Variants in NRF1 observed in about 807,000 individuals in gnomAD.
NRF1 encodes the protein alpha palindromic-binding protein.
Under a neutral mutation model 58.5 loss-of-function variants are expected in NRF1, and 5 were observed. The ratio of observed to expected loss-of-function variants is 0.09; its 90% CI spans 0.04 to 0.18. NRF1 has a LOEUF of 0.18. Among genes scored for constraint, NRF1 ranks in the 10% least tolerant of loss-of-function variants. NRF1 has a pLI of 1.00. For synonymous variants in NRF1, 224 were observed against 246.7 expected (o/e 0.91, Z 0.86); for missense variants, 288 against 657.7 (o/e 0.44, Z 6.15).
intron 3 of NRF1, among the ~76,000 whole-genome samples, chr7:129,671,804 G>C (rs753779108): frequency 1.4e-4 from 21 of 152,202 alleles, no homozygotes; most frequent in Non-Finnish European, 2.8e-4. Flanking sequence ...ATTGGGCATG[G>C]AAGAGTGAAC....
At chr7:129,619,433 T>A in intron 1 of NRF1, among the ~76,000 whole-genome samples, 1 of 65,864 alleles carries the variant, frequency 1.5e-5, no homozygotes, top group East Asian at 6.4e-4. Flanking sequence ...TATATATATA[T>A]ACACACACAC....
intron 5 of NRF1, among the ~76,000 whole-genome samples, chr7:129,703,442 A>G (rs1802880489): frequency 6.6e-6 from 1 of 152,226 alleles, no homozygotes; most frequent in African/African-American, 2.4e-5. Context: ...TCAACTGGTA[A>G]TGAGAGCACA....
chr7:129,695,640 GT>G (rs752157979), intron 5 of NRF1, among the ~76,000 whole-genome samples: 52 of 149,594 alleles, frequency 3.5e-4, no homozygotes, highest in Non-Finnish European at 5.9e-4. Context: ...AGTTTGAGGG[GT>G]TTAGGGCTTT....
chr7:129,755,167 A>G lies in NRF1; in HGVS notation c.1498A>G (p.Thr500Ala). 1 of 1,610,024 alleles carries G rather than the reference A, an allele frequency of 6.2e-7. No homozygotes were observed. The highest frequency in any genetic ancestry group is 8.5e-7 in the Non-Finnish European group (1 of 1,178,534). The change falls in exon 11 of 11, where the codon ACA (threonine) becomes GCA (alanine). Residue 500 changes from threonine (T) to alanine (A), a missense_variant. Physicochemically the swap from Thr to Ala is moderately conservative, Grantham distance 58 (BLOSUM62 0). This residue lies in a region of NRF1 where 28 missense variants were observed against 32.6 expected (regional missense o/e 0.86). Coordinates refer to ENST00000393232, the MANE Select transcript of NRF1 (RefSeq NM_005011.5). The surrounding 1 kb of genome is among the most constrained non-coding windows in gnomAD (Gnocchi z 5.8). Reference sequence around the variant, plus strand: ...GGACGGCCAAGCTGTGGAGGTGGTGACATTGGAACAGTGACATACAGCCAT... The same window carrying G: ...GGACGGCCAAGCTGTGGAGGTGGTGGCATTGGAACAGTGACATACAGCCAT... Reference protein sequence around the residue: ...TMDGQAVEVVTLEQ With the variant: ...TMDGQAVEVVALEQ
At chr7:129,734,238 T>C (rs557313254) in intron 10 of NRF1, among the ~76,000 whole-genome samples, 2 of 152,366 alleles carry the variant, frequency 1.3e-5, no homozygotes, top group South Asian at 4.1e-4. Flanking sequence ...ATGATAACTT[T>C]ATGAGTAAAC....
chr7:129,672,308 G>A (rs965073482), intron 3 of NRF1, among the ~76,000 whole-genome samples: 1 of 151,582 alleles, frequency 6.6e-6, no homozygotes, highest in Admixed American at 6.6e-5. Context: ...AAAATGCTGG[G>A]ATTACAGGTG....
intron 1 of NRF1, among the ~76,000 whole-genome samples, chr7:129,640,204 A>G (rs1162530888): frequency 6.6e-6 from 1 of 152,070 alleles, no homozygotes; most frequent in East Asian, 1.9e-4. Flanking sequence ...AATCAATTCA[A>G]CACACATACC....
At chr7:129,674,158 T>A (rs114401656) in intron 3 of NRF1, among the ~76,000 whole-genome samples, 1 of 151,890 alleles carries the variant, frequency 6.6e-6, no homozygotes. Context: ...AAAAAAGCTG[T>A]TTTCATTTCA....
At chr7:129,691,788 A>G (rs1242067179) in intron 5 of NRF1, among the ~76,000 whole-genome samples, 1 of 151,992 alleles carries the variant, frequency 6.6e-6, no homozygotes, top group African/African-American at 2.4e-5. Context: ...CTGTCTCTTG[A>G]CCACACCCTC....
chr7:129,656,840 G>A (rs1801668669), intron 1 of NRF1, among the ~76,000 whole-genome samples: 1 of 152,188 alleles, frequency 6.6e-6, no homozygotes, highest in Admixed American at 6.5e-5. Flanking sequence ...GCCTCCCAAA[G>A]TGCTGGGACT....
chr7:129,676,621 G>A (rs940354190), intron 3 of NRF1, among the ~76,000 whole-genome samples: 50 of 152,164 alleles, frequency 3.3e-4, no homozygotes, highest in African/African-American at 9.7e-4. Context: ...TAACATCGAA[G>A]ATCACTGATC....
At chr7:129,749,250 G>A (rs750416401) in intron 10 of NRF1, among the ~76,000 whole-genome samples, 1 of 152,182 alleles carries the variant, frequency 6.6e-6, no homozygotes, top group Non-Finnish European at 1.5e-5. Context: ...GGGGAAAAGT[G>A]TTGAATTTGG....
Position 129,727,345 on chromosome 7 carries a change from C to G in NRF1, c.1328C>G (p.Thr443Ser). 1 of 1,605,568 alleles carries G rather than the reference C, an allele frequency of 6.2e-7. No homozygotes were observed. The highest frequency in any genetic ancestry group is 1.1e-5 in the South Asian group (1 of 89,056). ...GETAAAVGAL[T>S]GVQDANGLVQ... Reference sequence around the variant, plus strand: ...ACCGCAGCAGCCGTCGGAGCACTTACTGGAGTCCAAGATGCTAATGGTAAG... The same window carrying G: ...ACCGCAGCAGCCGTCGGAGCACTTAGTGGAGTCCAAGATGCTAATGGTAAG... The change falls in exon 10 of 11, where the codon ACT (threonine) becomes AGT (serine). Residue 443 changes from threonine (T) to serine (S), a missense_variant. By Grantham distance (58) the Thr-to-Ser change is moderately conservative. Around this residue, in one of 3 missense-constraint regions of NRF1, gnomAD observed 212 missense variants for 559.7 expected, o/e 0.38. Transcript: ENST00000393232.
At chr7:129,622,990 G>A (rs750126309) in intron 1 of NRF1, among the ~76,000 whole-genome samples, 5 of 152,118 alleles carry the variant, frequency 3.3e-5, no homozygotes, top group Non-Finnish European at 7.4e-5. Flanking sequence ...TTAATGAAAT[G>A]TAAAAGATAT....
At chr7:129,647,115 G>A (rs545853015) in intron 1 of NRF1, among the ~76,000 whole-genome samples, 68 of 152,208 alleles carry the variant, frequency 4.5e-4, no homozygotes, top group Admixed American at 9.8e-4. Flanking sequence ...TTGGCTCACT[G>A]CAACCTCCGC....
chr7:129,647,265 C>T lies in NRF1; in HGVS notation c.-6-10081C>T, dbSNP rs563659671. 5.9e-5 allele frequency among the ~76,000 whole-genome samples: 9 copies of T among 152,208 alleles called. No individual in the cohort carries two copies. The South Asian group carries it at 1.9e-3, about 32-fold the overall frequency. On this transcript the variant is annotated intron_variant, in intron 1 of 10. Coordinates refer to ENST00000393232, the MANE Select transcript of NRF1 (RefSeq NM_005011.5). ...TGTTGGCCCGGCTGACTCCAGACCTCGCGATCTGCCCGCCTCTGGCCTCTC... is the reference window on the plus strand; with the variant it reads ...TGTTGGCCCGGCTGACTCCAGACCTTGCGATCTGCCCGCCTCTGGCCTCTC...
At chr7:129,727,184 T>C (rs755393265) in intron 9 of NRF1, 57 bp from the exon 10 acceptor site, 107 of 1,501,138 alleles carry the variant, frequency 7.1e-5, no homozygotes, top group Non-Finnish European at 9.2e-5. Flanking sequence ...ATGGTTTGTC[T>C]TGGCTGCAGT....
In NRF1 at chr7:129,749,646, G is replaced by C. The variant is rs546869671; in HGVS notation, c.1349-5372G>C. 2.6e-5 allele frequency among the ~76,000 whole-genome samples: 4 copies of C among 152,138 alleles called. No homozygotes were observed. The South Asian group carries it at 8.3e-4, about 32-fold the overall frequency. Reference sequence around the variant, plus strand: ...ATGAAGCTTGAGAAGAAAAGCAGCAGGGGGCCCAAAGAGGACAGTCCTCTC... The same window carrying C: ...ATGAAGCTTGAGAAGAAAAGCAGCACGGGGCCCAAAGAGGACAGTCCTCTC... On this transcript the variant is annotated intron_variant, in intron 10 of 10. Coordinates refer to ENST00000393232, the MANE Select transcript of NRF1 (RefSeq NM_005011.5).
chr7:129,613,055 A>AT (rs1057247505), intron 1 of NRF1, among the ~76,000 whole-genome samples: 23 of 152,308 alleles, frequency 1.5e-4, no homozygotes, highest in African/African-American at 4.6e-4. Flanking sequence ...CAAAATTCAC[A>AT]TTTTTTTAAG....
Sources: allele counts gnomAD v4.1 joint callset (sites outside exome capture counted in the v4.1 genomes callset), GRCh38; gene constraint gnomAD v4.1.1; regional missense constraint gnomAD v4.1.1; non-coding constraint Gnocchi (gnomAD v3.1); transcripts MANE v1.5; gene names NCBI Gene and HGNC (gene_info 2026-07-23, HGNC 2026-07-21).